The following TTC39B variants were observed in gnomAD, a reference collection of about 807,000 sequenced individuals.
TTC39B encodes the protein tetratricopeptide repeat domain 39B, also known as tetratricopeptide repeat protein 39B.
In TTC39B, 92 loss-of-function variants were observed where a neutral mutation model predicts 96.6. The observed-to-expected ratio is 0.95, with a 90% CI of 0.80 to 1.13. The LOEUF is 1.13. Among genes scored for constraint, TTC39B ranks in the 50% most tolerant of loss-of-function variants. The pLI, the probability that TTC39B is intolerant of heterozygous loss-of-function variation, is 0.00. For synonymous variants in TTC39B, 367 were observed against 299.4 expected, an observed-to-expected ratio of 1.23 and a Z score of -2.33; for missense variants, 955 against 809.3, an observed-to-expected ratio of 1.18 and a Z score of -2.18.
intron 18 of TTC39B, among the ~76,000 whole-genome samples, chr9:15,176,420 T>A (rs1357408480): frequency 6.6e-6 from 1 of 152,212 alleles, no homozygotes; most frequent in African/African-American, 2.4e-5. Flanking sequence ...ACAGTACATT[T>A]GGGAAGTAGA....
chr9:15,215,869 C>CTAAA (rs569005283), intron 3 of TTC39B, among the ~76,000 whole-genome samples: 11 of 152,164 alleles, frequency 7.2e-5, no homozygotes, highest in Middle Eastern at 3.4e-3. Context: ...ATCTCAAAAA[C>CTAAA]TAAATAAATA....
At chr9:15,287,014 G>C (rs2131594614) in intron 1 of TTC39B, among the ~76,000 whole-genome samples, 1 of 139,510 alleles carries the variant, frequency 7.2e-6, no homozygotes, top group East Asian at 2.0e-4. Context: ...AGAAGGCTAA[G>C]GAATAGCTAA....
chr9:15,248,892 A>T (rs955357626), intron 2 of TTC39B: 5 of 152,254 alleles, frequency 3.3e-5, no homozygotes, highest in Non-Finnish European at 7.3e-5. Context: ...TAAGTCAAAC[A>T]TATTCTGCAT....
At chr9:15,244,132 G>A (rs898940738) in intron 2 of TTC39B, among the ~76,000 whole-genome samples, 1 of 152,238 alleles carries the variant, frequency 6.6e-6, no homozygotes, top group African/African-American at 2.4e-5. Context: ...ACAATGGAAT[G>A]TTGGATTGGC....
intron 2 of TTC39B, among the ~76,000 whole-genome samples, chr9:15,264,729 C>CTATATATATATATATATA (rs138797791): frequency 1.4e-5 from 2 of 141,928 alleles, no homozygotes; most frequent in African/African-American, 5.2e-5. Flanking sequence ...AACAATTTTA[C>CTATATATATATATATATA]TATATATATA....
chr9:15,193,157 G>C (rs187419669), intron 8 of TTC39B, among the ~76,000 whole-genome samples: 35 of 152,260 alleles, frequency 2.3e-4, no homozygotes, highest in Admixed American at 2.0e-3. Flanking sequence ...TTAGGGCTTG[G>C]GACCAGGACA....
At chr9:15,303,862 T>C (rs1824677489) in intron 1 of TTC39B, among the ~76,000 whole-genome samples, 1 of 152,156 alleles carries the variant, frequency 6.6e-6, no homozygotes, top group African/African-American at 2.4e-5. Context: ...CTCGAACTCC[T>C]GACCTCAGGT....
chr9:15,291,992 C>G (rs1824205489), intron 1 of TTC39B, among the ~76,000 whole-genome samples: 1 of 152,180 alleles, frequency 6.6e-6, no homozygotes, highest in Admixed American at 6.5e-5. Context: ...CTGAGTGCAG[C>G]CTGGTGCCTC....
chr9:15,213,346 C>T (rs1396436770), intron 4 of TTC39B, among the ~76,000 whole-genome samples: 1 of 152,182 alleles, frequency 6.6e-6, no homozygotes, highest in African/African-American at 2.4e-5. Flanking sequence ...TTATCGATTT[C>T]ATCATTTGTT....
chr9:15,233,232 C>T (rs946989159), intron 2 of TTC39B, among the ~76,000 whole-genome samples: 11 of 152,138 alleles, frequency 7.2e-5, no homozygotes, highest in African/African-American at 2.7e-4. Flanking sequence ...AGAAGCATGG[C>T]CAACATTCCC....
intron 1 of TTC39B, among the ~76,000 whole-genome samples, chr9:15,288,358 G>A (rs767838695): frequency 5.6e-4 from 85 of 152,004 alleles, no homozygotes; most frequent in Non-Finnish European, 2.4e-4. Flanking sequence ...CCATATAAAC[G>A]CCAAAACCCC....
chr9:15,207,639 T>G (rs931453059), intron 6 of TTC39B, among the ~76,000 whole-genome samples: 12 of 152,216 alleles, frequency 7.9e-5, no homozygotes, highest in African/African-American at 2.9e-4. Flanking sequence ...TTGGTTAATG[T>G]TAAGAAAAGC....
rs115447149 is a variant in TTC39B at position 15,226,760 on chromosome 9, C to A, written c.276-748G>T. 4.6e-3 allele frequency among the ~76,000 whole-genome samples: 694 copies of A among 152,240 alleles called. 7 individuals carry two copies. The highest frequency in any genetic ancestry group is 0.015 in the African/African-American group (643 of 41,532). On this transcript the variant is annotated intron_variant, in intron 2 of 19. Transcript: ENST00000512701. ...AATCTTCGGCCAGTTTGTTGACCCACAGATATCTGACAGGCACACAATGGG... is the reference window on the plus strand; with the variant it reads ...AATCTTCGGCCAGTTTGTTGACCCAAAGATATCTGACAGGCACACAATGGG...
rs762726772 is a variant in TTC39B at position 15,210,152 on chromosome 9, T to G, written c.627A>C (p.Lys209Asn). Residue 209 changes from lysine to asparagine, a missense_variant, in exon 6 of 20, where the codon AAA (lysine) becomes AAC (asparagine). By Grantham distance (94) the Lys-to-Asn change is moderately conservative. Transcript: ENST00000512701. ...TTGAGAAAGATTCTACAACTGTGTA[T>G]TTTTTCCTGTATCTACATTGAATAA... The G allele has an allele frequency of 6.3e-7, 1 of 1,599,212 alleles. No homozygotes were observed. Among genetic ancestry groups the G allele is most frequent in the Admixed American group, 1.7e-5 (1 of 57,412 alleles).
chr9:15,264,729 C>CTATA (rs138797791), intron 2 of TTC39B, among the ~76,000 whole-genome samples: 1,495 of 141,912 alleles, frequency 0.011, 15 homozygotes, highest in African/African-American at 0.031. Context: ...AACAATTTTA[C>CTATA]TATATATATA....
At chr9:15,193,331 T>C (rs905516486) in intron 8 of TTC39B, among the ~76,000 whole-genome samples, 10 of 152,168 alleles carry the variant, frequency 6.6e-5, no homozygotes, top group African/African-American at 2.4e-4. Flanking sequence ...ACCAAAGAAA[T>C]ACAAATTAAA....
chr9:15,226,792 T>A (rs530139325), intron 2 of TTC39B, among the ~76,000 whole-genome samples: 1 of 152,114 alleles, frequency 6.6e-6, no homozygotes, highest in Non-Finnish European at 1.5e-5. Flanking sequence ...TGGGGGCAGG[T>A]CCACTCAGAG....
intron 1 of TTC39B, among the ~76,000 whole-genome samples, chr9:15,281,920 C>T (rs911580952): frequency 2.6e-5 from 4 of 152,100 alleles, no homozygotes. Context: ...TCAAGTGATC[C>T]ACCCACCTCA....
At chr9:15,270,838 C>T (rs1413756217) in intron 1 of TTC39B, among the ~76,000 whole-genome samples, 1 of 151,750 alleles carries the variant, frequency 6.6e-6, no homozygotes, top group African/African-American at 2.4e-5. Context: ...CTAAATAAAG[C>T]ATATGTGGTC....
Sources: allele counts gnomAD v4.1 joint callset (sites outside exome capture counted in the v4.1 genomes callset), GRCh38; gene constraint gnomAD v4.1.1; transcripts MANE v1.5; gene names NCBI Gene and HGNC (gene_info 2026-07-23, HGNC 2026-07-21).